VAV3: variants seen among roughly 807,000 people sequenced by gnomAD.
VAV3 encodes the protein vav guanine nucleotide exchange factor 3, also known as guanine nucleotide exchange factor VAV3.
In VAV3, 94 loss-of-function variants were observed where a neutral mutation model predicts 131.2. The observed-to-expected ratio is 0.72, with a 90% CI of 0.61 to 0.85. The LOEUF (loss-of-function observed/expected upper bound fraction) is 0.85. Ranked by LOEUF, VAV3 falls within the 40% of genes least tolerant of loss-of-function variation. The pLI, the probability that VAV3 is intolerant of heterozygous loss-of-function variation, is 0.00. For missense variants in VAV3, 939 were observed against 1,002.7 expected, an observed-to-expected ratio of 0.94 and a Z score of 0.86; for synonymous variants, 349 against 342.0, an observed-to-expected ratio of 1.02 and a Z score of -0.22.
At chr1:107,749,744 TATAAGA>T in intron 13 of VAV3, 150 bp from the exon 14 acceptor site, 1 of 869,380 alleles carries the variant, frequency 1.2e-6, no homozygotes, top group Non-Finnish European at 1.7e-6. Context: ...TATTTGAGGT[TATAAGA>T]ACTGTGTGTG....
At chr1:107,920,286 T>C (rs1672832846) in intron 1 of VAV3, among the ~76,000 whole-genome samples, 1 of 152,176 alleles carries the variant, frequency 6.6e-6, no homozygotes, top group Non-Finnish European at 1.5e-5. Flanking sequence ...CACTTAATAG[T>C]TGAAAAGCTA....
At chr1:107,609,282 C>A (rs943205268) in intron 22 of VAV3, 1 of 151,956 alleles carries the variant, frequency 6.6e-6, no homozygotes, top group Non-Finnish European at 1.5e-5. Flanking sequence ...AATTACTATC[C>A]ATTACACTTC....
At chr1:107,619,556 T>C (rs1345970722) in intron 20 of VAV3, among the ~76,000 whole-genome samples, 3 of 152,088 alleles carry the variant, frequency 2.0e-5, no homozygotes, top group Non-Finnish European at 4.4e-5. Flanking sequence ...GTAGGAACCA[T>C]ACACTGATTA....
intron 2 of VAV3, among the ~76,000 whole-genome samples, chr1:107,859,342 G>C (rs1235262208): frequency 1.3e-5 from 2 of 152,194 alleles, no homozygotes; most frequent in Non-Finnish European, 2.9e-5. Flanking sequence ...AAAGTGCTAA[G>C]ATTATAGACG....
rs1425120002 is a variant in VAV3, at chr1:107,572,240, T to G, written c.*1091A>C. The G allele has an allele frequency of 6.6e-6, 1 of 152,198 alleles. No individual in the cohort carries two copies. Among genetic ancestry groups the G allele is most frequent in the Non-Finnish European group, 1.5e-5 (1 of 68,056 alleles). The allele number at this position is 152,198 out of a possible 1,614,324, so 9.4% of individuals were successfully genotyped here. On this transcript the variant is annotated 3_prime_UTR_variant, in exon 27 of 27. Coordinates refer to ENST00000370056, the MANE Select transcript of VAV3 (RefSeq NM_006113.5). ...CAGAGGGGGAGACTCTGAGAGAAGC[T>G]GGAGGCCCACAAAAGTCCACTGACC...
intron 15 of VAV3, among the ~76,000 whole-genome samples, chr1:107,717,320 C>T (rs768530372): frequency 3.0e-4 from 46 of 152,136 alleles, no homozygotes; most frequent in South Asian, 2.3e-3. Context: ...GTTCTTTTAA[C>T]TGTGATGTTA....
At chr1:107,928,951 A>T (rs773962766) in intron 1 of VAV3, among the ~76,000 whole-genome samples, 1 of 152,302 alleles carries the variant, frequency 6.6e-6, no homozygotes, top group South Asian at 2.1e-4. Flanking sequence ...ACCTCAAGGT[A>T]TTTGAAAATC....
At chr1:107,899,243 T>C (rs993546993) in intron 1 of VAV3, among the ~76,000 whole-genome samples, 9 of 152,144 alleles carry the variant, frequency 5.9e-5, no homozygotes, top group Non-Finnish European at 1.2e-4. Context: ...TCTAGAAATA[T>C]AGAAGAGAGT....
intron 17 of VAV3, among the ~76,000 whole-genome samples, chr1:107,697,873 A>C (rs1659844901): frequency 6.6e-6 from 1 of 152,170 alleles, no homozygotes. Context: ...CCATTAGAAA[A>C]TCACTCCCTT....
chr1:107,659,048 G>A (rs971990772), intron 19 of VAV3, among the ~76,000 whole-genome samples: 8 of 152,204 alleles, frequency 5.3e-5, no homozygotes, highest in East Asian at 1.9e-4. Context: ...GAATGGTAAC[G>A]CCTAGGTTTT....
intron 2 of VAV3, among the ~76,000 whole-genome samples, chr1:107,828,172 A>G (rs1464713646): frequency 6.6e-6 from 1 of 152,200 alleles, no homozygotes; most frequent in African/African-American, 2.4e-5. Flanking sequence ...GTGCTCAGAC[A>G]TCAGTTAAAA....
intron 19 of VAV3, among the ~76,000 whole-genome samples, chr1:107,654,537 G>A (rs7537301): frequency 0.059 from 8,981 of 151,938 alleles, 658 homozygotes; most frequent in African/African-American, 0.18. Flanking sequence ...GTATTGCTTT[G>A]TCCTTTGATA....
intron 11 of VAV3, 150 bp downstream of exon 11, chr1:107,757,111 T>TG: frequency 2.0e-6 from 1 of 493,096 alleles, no homozygotes; most frequent in South Asian, 5.6e-5. Flanking sequence ...AATATTTTAT[T>TG]TATGTGTATA....
At chr1:107,777,096 T>A (rs530018569) in intron 4 of VAV3, 135 bp downstream of exon 4, 1 of 759,346 alleles carries the variant, frequency 1.3e-6, no homozygotes, top group East Asian at 2.6e-5. Context: ...AAGCTTTCCA[T>A]CGCCAGTTTA....
intron 15 of VAV3, among the ~76,000 whole-genome samples, chr1:107,739,851 T>C (rs565937446): frequency 1.3e-5 from 2 of 152,316 alleles, no homozygotes; most frequent in African/African-American, 4.8e-5. Flanking sequence ...CAACTCTTGA[T>C]ACCACCACAG....
At chr1:107,599,753 T>C (rs1361027872) in intron 24 of VAV3, among the ~76,000 whole-genome samples, 1 of 151,684 alleles carries the variant, frequency 6.6e-6, no homozygotes, top group African/African-American at 2.4e-5. Context: ...AGTTTGCTTA[T>C]GTTTTACACA....
chr1:107,810,145 A>G (rs1416499356), intron 2 of VAV3, among the ~76,000 whole-genome samples: 7 of 152,196 alleles, frequency 4.6e-5, no homozygotes, highest in African/African-American at 1.7e-4. Context: ...AATCCTAGAG[A>G]TACTTGGACT....
chr1:107,626,612 T>G (rs556417803), intron 20 of VAV3, among the ~76,000 whole-genome samples: 18 of 152,262 alleles, frequency 1.2e-4, no homozygotes, highest in Non-Finnish European at 2.2e-4. Flanking sequence ...AGAGGCAGTT[T>G]AGAAGAAAAG....
chr1:107,693,387 A>G (rs547410986), intron 17 of VAV3, among the ~76,000 whole-genome samples: 1 of 152,280 alleles, frequency 6.6e-6, no homozygotes, highest in East Asian at 1.9e-4. Context: ...TCTTTTTTTC[A>G]TACTTCAAAT....
Sources: gnomAD v4.1 joint callset for allele counts (sites outside exome capture counted in the v4.1 genomes callset) on GRCh38, gnomAD v4.1.1 for gene constraint, MANE v1.5 for transcripts, NCBI Gene and HGNC (gene_info 2026-07-23, HGNC 2026-07-21) for gene names.